The following SMS variants were observed in gnomAD, a reference collection of about 807,000 sequenced individuals.
The protein encoded by SMS is spermidine aminopropyltransferase.
A neutral mutation model predicts 33.0 loss-of-function variants in SMS; 3 were observed. The observed-to-expected ratio is 0.09, with a 90% CI of 0.04 to 0.23. SMS has a LOEUF of 0.23. SMS is among the 10% of genes least tolerant of loss of function. The probability of loss-of-function intolerance (pLI) is 1.00; values close to 1 mark genes in which losing one functional copy is unlikely to be tolerated. For synonymous variants in SMS, 103 were observed against 112.2 expected (o/e 0.92, Z 0.52); for missense variants, 117 against 288.6 (o/e 0.41, Z 4.31).
At chrX:21,993,829 T>TCC in intron 10 of SMS, among the ~76,000 whole-genome samples, 1 of 111,038 alleles carries the variant, frequency 9.0e-6, no homozygotes, top group East Asian at 2.8e-4. Flanking sequence ...GGCAAAGTCT[T>TCC]CCACCTGCTA....
intron 9 of SMS, among the ~76,000 whole-genome samples, chrX:21,992,123 G>GA (rs1260225852): frequency 8.9e-6 from 1 of 112,128 alleles, no homozygotes; most frequent in East Asian, 2.8e-4. Context: ...CAGATTCTAG[G>GA]AAAAAAATGG....
chrX:21,992,206 G>A (rs1167104201), intron 9 of SMS, among the ~76,000 whole-genome samples: 2 of 112,346 alleles, frequency 1.8e-5, no homozygotes, highest in African/African-American at 6.5e-5. Flanking sequence ...TGGAAATCAG[G>A]AACACTATAT....
At chrX:21,980,317 TGAGGCAGGAGAA>T (rs1924831361) in intron 7 of SMS, among the ~76,000 whole-genome samples, 3 of 105,487 alleles carry the variant, frequency 2.8e-5, no homozygotes, top group Non-Finnish European at 3.9e-5. Context: ...CATGGAAGGC[TGAGGCAGGAGAA>T]TCGCTTGAAC....
rs1255794794 is a variant in SMS, at chrX:21,982,455, G to A, written c.751-1849G>A. On this transcript the variant is annotated intron_variant, in intron 7 of 10. Transcript: ENST00000404933. The stretch of plus-strand genomic sequence containing the variant: ...ATTTAGTAGAGGGGCAATATCTCAT[G>A]CTGGGGAGGTTGTGGGGAGACAGGT... Among the ~76,000 whole-genome samples the A allele has an allele frequency of 3.6e-5, 4 of 111,783 alleles. No homozygotes were observed. In the East Asian group the frequency reaches 8.3e-4, roughly 23 times the overall value.
At chrX:21,968,726 T>G (rs1382712394) in intron 2 of SMS, among the ~76,000 whole-genome samples, 2 of 112,159 alleles carry the variant, frequency 1.8e-5, no homozygotes, top group African/African-American at 6.5e-5. Context: ...AATCTTGGTT[T>G]GTATTATATC....
Position 21,941,884 on chromosome X carries a change from C to CAAAAAAAAA in SMS, c.49+1042_49+1050dup, listed in dbSNP as rs760394146. Among the ~76,000 whole-genome samples the CAAAAAAAAA allele has an allele frequency of 3.1e-4, 6 of 19,569 alleles. 1 individual carries two copies. Among genetic ancestry groups the CAAAAAAAAA allele is most frequent in the Non-Finnish European group, 4.8e-4 (5 of 10,376 alleles). 17.0% of individuals were successfully genotyped at this position (19,569 alleles called of 115,157 possible). On this transcript the variant is annotated intron_variant, in intron 1 of 10. Coordinates refer to ENST00000404933, the MANE Select transcript of SMS (RefSeq NM_004595.5). ...TGGGCGACAGAGCAAGACCCTGTCT[C>CAAAAAAAAA]AAAAAAAAAAAAAAAAAAAAAAAAA...
At chrX:21,944,939 A>T (rs888077696) in intron 1 of SMS, among the ~76,000 whole-genome samples, 1 of 112,069 alleles carries the variant, frequency 8.9e-6, no homozygotes, top group Non-Finnish European at 1.9e-5. Context: ...AGATTGTGCC[A>T]CTGCACTCCA....
intron 1 of SMS, among the ~76,000 whole-genome samples, chrX:21,945,989 A>G (rs1922200858): frequency 8.9e-6 from 1 of 112,202 alleles, no homozygotes; most frequent in Non-Finnish European, 1.9e-5. Flanking sequence ...TTTCATAAGT[A>G]GAGCTGAGCA....
At chrX:21,948,288 A>C (rs1229207724) in intron 1 of SMS, among the ~76,000 whole-genome samples, 1 of 110,913 alleles carries the variant, frequency 9.0e-6, no homozygotes, top group Non-Finnish European at 1.9e-5. Context: ...AATGCTTTGG[A>C]AGGGATGACA....
At chrX:21,968,319 T>A (rs973774491) in intron 2 of SMS, among the ~76,000 whole-genome samples, 1 of 112,446 alleles carries the variant, frequency 8.9e-6, no homozygotes, top group Non-Finnish European at 1.9e-5. Flanking sequence ...TCTACTCTGT[T>A]TCTGGAGAGC....
intron 2 of SMS, among the ~76,000 whole-genome samples, chrX:21,969,007 C>T (rs1346757053): frequency 8.9e-6 from 1 of 111,878 alleles, no homozygotes; most frequent in Non-Finnish European, 1.9e-5. Flanking sequence ...GTACCCAGTA[C>T]TGGAATTCCA....
intron 1 of SMS, among the ~76,000 whole-genome samples, chrX:21,964,125 T>A (rs1295971913): frequency 1.8e-5 from 2 of 108,795 alleles, no homozygotes; most frequent in Non-Finnish European, 3.8e-5. Flanking sequence ...GGGGATATAA[T>A]TCAGACCTTC....
At chrX:21,974,139 T>C (rs1345855344) in intron 4 of SMS, among the ~76,000 whole-genome samples, 1 of 112,392 alleles carries the variant, frequency 8.9e-6, no homozygotes, top group Non-Finnish European at 1.9e-5. Context: ...CATGGCACTT[T>C]CCAGAAGAAG....
intron 1 of SMS, among the ~76,000 whole-genome samples, chrX:21,946,009 T>C (rs1160653676): frequency 8.9e-6 from 1 of 112,372 alleles, no homozygotes; most frequent in Non-Finnish European, 1.9e-5. Context: ...AAAATTGATA[T>C]TTAACAAATT....
chrX:21,961,381 C>A (rs1466431829), intron 1 of SMS, among the ~76,000 whole-genome samples: 1 of 110,188 alleles, frequency 9.1e-6, no homozygotes, highest in Non-Finnish European at 1.9e-5. Context: ...ATGTAACCAT[C>A]GATGAGAGTA....
intron 7 of SMS, among the ~76,000 whole-genome samples, chrX:21,982,293 G>T (rs1043994646): frequency 1.0e-5 from 1 of 100,458 alleles, no homozygotes; most frequent in Non-Finnish European, 2.0e-5. Flanking sequence ...AGCCCAGATC[G>T]CATCACTGCA....
intron 1 of SMS, among the ~76,000 whole-genome samples, chrX:21,962,910 C>T (rs1478544793): frequency 9.0e-6 from 1 of 110,995 alleles, no homozygotes; most frequent in Non-Finnish European, 1.9e-5. Context: ...CTGCCTTGAC[C>T]TCCTAAAGTG....
chrX:21,942,435 C>A (rs767783376), intron 1 of SMS, among the ~76,000 whole-genome samples: 1 of 111,645 alleles, frequency 9.0e-6, no homozygotes, highest in Admixed American at 9.5e-5. Context: ...AAGTGTACAC[C>A]TCTTCGGGCT....
intron 8 of SMS, among the ~76,000 whole-genome samples, chrX:21,984,803 T>C (rs1004729038): frequency 1.8e-5 from 2 of 112,037 alleles, no homozygotes; most frequent in African/African-American, 6.5e-5. Flanking sequence ...CGTGTTTTTT[T>C]CTATAAACTC....
Sources: gnomAD v4.1 joint callset for allele counts (sites outside exome capture counted in the v4.1 genomes callset) on GRCh38, gnomAD v4.1.1 for gene constraint, MANE v1.5 for transcripts, NCBI Gene and HGNC (gene_info 2026-07-23, HGNC 2026-07-21) for gene names.